MAP2K2: variants seen among roughly 807,000 people sequenced by gnomAD.
MAP2K2 encodes the protein dual specificity mitogen-activated protein kinase kinase 2.
Under a neutral mutation model 43.7 loss-of-function variants are expected in MAP2K2, and 24 were observed. That is an observed-to-expected ratio of 0.55 (90% confidence interval 0.40 to 0.77). MAP2K2 has a LOEUF of 0.77. MAP2K2 is among the 30% of genes least tolerant of loss of function. The pLI is 0.00. For missense variants in MAP2K2, 470 were observed against 566.8 expected (o/e 0.83, Z 1.73); for synonymous variants, 244 against 239.7 (o/e 1.02, Z -0.17).
chr19:4,118,359 G>A (rs529138444), intron 1 of MAP2K2, among the ~76,000 whole-genome samples: 5 of 152,170 alleles, frequency 3.3e-5, no homozygotes, highest in Admixed American at 1.3e-4. Context: ...AGGAACAAGC[G>A]TTCTGAGCAG....
intron 2 of MAP2K2, 57 bp from the exon 3 acceptor site, chr19:4,110,712 C>T (rs2145070674): frequency 6.3e-7 from 1 of 1,578,404 alleles, no homozygotes; most frequent in Non-Finnish European, 8.6e-7. Context: ...GGGATGAAGG[C>T]ATTTGGGGCC....
intron 3 of MAP2K2, among the ~76,000 whole-genome samples, chr19:4,107,327 A>G (rs1438646736): frequency 6.6e-6 from 1 of 151,930 alleles, no homozygotes; most frequent in African/African-American, 2.4e-5. Flanking sequence ...GATCGAGACC[A>G]TCCTGGCTAA....
intron 9 of MAP2K2, 30 bp downstream of exon 9, chr19:4,095,358 C>T (rs2040902454): frequency 6.5e-7 from 1 of 1,548,956 alleles, no homozygotes; most frequent in Non-Finnish European, 8.7e-7. Flanking sequence ...GGGTCCCGGC[C>T]AGGGGTGTGG....
chr19:4,104,262 A>G (rs373746008), intron 3 of MAP2K2, among the ~76,000 whole-genome samples: 26 of 135,088 alleles, frequency 1.9e-4, no homozygotes, highest in African/African-American at 7.9e-4. Flanking sequence ...AAGACTCCTC[A>G]ATTAAAAAAA....
chr19:4,094,377 C>A, intron 10 of MAP2K2, 76 bp downstream of exon 10: 1 of 1,488,394 alleles, frequency 6.7e-7, no homozygotes, highest in Non-Finnish European at 9.2e-7. Flanking sequence ...CAGGGCCAGG[C>A]CCAGCAGCCT....
At chr19:4,095,111 TCTC>T (rs2040898264) in intron 9 of MAP2K2, 1 of 432,070 alleles carries the variant, frequency 2.3e-6, no homozygotes, top group East Asian at 4.0e-5. Context: ...GACAGAGGCT[TCTC>T]CTGCTGCAGA....
At chr19:4,094,101 A>G (rs538178379) in intron 10 of MAP2K2, among the ~76,000 whole-genome samples, 3 of 152,200 alleles carry the variant, frequency 2.0e-5, no homozygotes, top group Admixed American at 2.0e-4. Flanking sequence ...GTTTGCAGGG[A>G]AAGGAGCCTG....
intron 6 of MAP2K2, 64 bp downstream of exon 6, chr19:4,100,928 GGGGGAGAGCTGGCTGGCAGAGCTGGGT>G: frequency 6.9e-7 from 1 of 1,450,688 alleles, no homozygotes; most frequent in African/African-American, 1.4e-5. Context: ...TGAGAGCTGA[GGGGGAGAGCTGGCTGGCAGAGCTGGGT>G]GGGGAGAGCT....
At position 4,095,329 on chromosome 19, in the gene MAP2K2, C is replaced by T. The variant is rs544054650; in HGVS notation, c.1046+59G>A. The T allele has an allele frequency of 1.7e-5, 25 of 1,500,744 alleles. No homozygotes were observed. The African/African-American group carries it at 2.4e-4, about 14-fold the overall frequency. 93.0% of individuals were successfully genotyped at this position (1,500,744 alleles called of 1,614,324 possible). On this transcript the variant is annotated intron_variant, in intron 9 of 10. Transcript: ENST00000262948. ...TGGGCCACGGGCCCCACCCAGGACC[C>T]GGAAGGAGTGGCACATCTGGGTCCC...
At chr19:4,093,136 T>A (rs560572329) in intron 10 of MAP2K2, among the ~76,000 whole-genome samples, 6 of 152,240 alleles carry the variant, frequency 3.9e-5, no homozygotes, top group African/African-American at 1.4e-4. Flanking sequence ...GAGAATTCCC[T>A]GAACCTGGGA....
chr19:4,110,053 C>T (rs181249036), intron 3 of MAP2K2, among the ~76,000 whole-genome samples: 20 of 152,228 alleles, frequency 1.3e-4, no homozygotes, highest in African/African-American at 4.8e-4. Context: ...CCTGTAATCC[C>T]AGCACTTTGG....
At chr19:4,099,740 C>T (rs2040973966) in intron 6 of MAP2K2, 1 of 378,188 alleles carries the variant, frequency 2.6e-6, no homozygotes, top group South Asian at 4.4e-5. Context: ...TCAGAGGCTG[C>T]TCCAAGGCTC....
chr19:4,097,628 G>A (rs972989055), intron 7 of MAP2K2, among the ~76,000 whole-genome samples: 4 of 152,154 alleles, frequency 2.6e-5, no homozygotes, highest in South Asian at 2.1e-4. Flanking sequence ...GAGGCTTGCC[G>A]GACGTGCCAA....
In MAP2K2 at chr19:4,117,054, T is replaced by G. The variant is rs543984216; in HGVS notation, c.303+365A>C. Among the ~76,000 whole-genome samples, 414 of 152,362 alleles carry G rather than the reference T, an allele frequency of 2.7e-3. 2 individuals are homozygous for G. Among genetic ancestry groups the G allele is most frequent in the African/African-American group, 9.7e-3 (402 of 41,592 alleles). On this transcript the variant is annotated intron_variant, in intron 2 of 10. Transcript: ENST00000262948. ...GGCTGAGCCATCGCCCTGAGGTGGC[T>G]GTACACATAGGCGCAAACACACACA...
At chr19:4,116,833 G>A (rs1015820653) in intron 2 of MAP2K2, among the ~76,000 whole-genome samples, 7 of 152,068 alleles carry the variant, frequency 4.6e-5, no homozygotes, top group Admixed American at 2.6e-4. Context: ...GGGAGGCTGA[G>A]GCAAGAGAAT....
At chr19:4,112,195 G>C (rs1247647065) in intron 2 of MAP2K2, among the ~76,000 whole-genome samples, 1 of 152,256 alleles carries the variant, frequency 6.6e-6, no homozygotes, top group Non-Finnish European at 1.5e-5. Context: ...CCCAGGTGCA[G>C]TCAGTGAAGG....
In MAP2K2 at chr19:4,101,358, G is replaced by T; in HGVS notation, c.529-78C>A. ...CTGACCGAGCCCGGGGGTCAGAGCT[G>T]AGCAGTCAGAGCTGGAGCGAGGGAG... On this transcript the variant is annotated intron_variant, in intron 4 of 10. Transcript: ENST00000262948. This position sits in a 1 kb window ranked among gnomAD's most constrained non-coding sequence, Gnocchi z 6.3. 6.8e-7 allele frequency: 1 copy of T among 1,460,052 alleles called. No homozygotes were observed. Among genetic ancestry groups the T allele is most frequent in the Non-Finnish European group, 9.4e-7 (1 of 1,065,174 alleles). The allele number at this position is 1,460,052 out of a possible 1,614,324, so 90.4% of individuals were successfully genotyped here.
chr19:4,091,076 G>A (rs1274892916), intron 10 of MAP2K2, among the ~76,000 whole-genome samples: 1 of 152,172 alleles, frequency 6.6e-6, no homozygotes, highest in East Asian at 1.9e-4. Flanking sequence ...GGTACTGCAG[G>A]GTACTGAGCA....
chr19:4,099,563 G>A (rs111627306), intron 6 of MAP2K2, 149 bp from the exon 7 acceptor site: 122 of 688,308 alleles, frequency 1.8e-4, no homozygotes, highest in African/African-American at 1.6e-3. Flanking sequence ...TCTACCTCCC[G>A]GCTCACCCAC....
Sources: allele counts gnomAD v4.1 joint callset (sites outside exome capture counted in the v4.1 genomes callset), GRCh38; gene constraint gnomAD v4.1.1; non-coding constraint Gnocchi (gnomAD v3.1); transcripts MANE v1.5; gene names NCBI Gene and HGNC (gene_info 2026-07-23, HGNC 2026-07-21).